ATP2B2: variants seen among roughly 807,000 people sequenced by gnomAD.
The protein encoded by ATP2B2 is ATPase plasma membrane Ca2+ transporting 2.
Under a neutral mutation model 120.0 loss-of-function variants are expected in ATP2B2, and 15 were observed. That is an observed-to-expected ratio of 0.12 (90% CI 0.08 to 0.19). The LOEUF (loss-of-function observed/expected upper bound fraction) is 0.19, where lower values mean the gene tolerates loss of function less well. Ranked by LOEUF, ATP2B2 falls within the 10% of genes least tolerant of loss-of-function variation. The pLI, the probability that ATP2B2 is intolerant of heterozygous loss-of-function variation, is 1.00. For synonymous variants in ATP2B2, 694 were observed against 700.3 expected, an observed-to-expected ratio of 0.99 and a Z score of 0.14; for missense variants, 1,045 against 1,719.8, an observed-to-expected ratio of 0.61 and a Z score of 6.94.
chr3:10,616,129 C>T (rs958946089), intron 2 of ATP2B2, among the ~76,000 whole-genome samples: 7 of 152,238 alleles, frequency 4.6e-5, no homozygotes, highest in African/African-American at 1.7e-4. Flanking sequence ...TTGCCAGGAA[C>T]AAGCTGTCCC....
At chr3:10,446,058 A>G (rs1014285175) in intron 2 of ATP2B2, among the ~76,000 whole-genome samples, 1 of 152,202 alleles carries the variant, frequency 6.6e-6, no homozygotes, top group East Asian at 1.9e-4. Context: ...CATGGGGCTG[A>G]GTTCAAAGCC....
rs1308773961 is a variant in ATP2B2 at position 10,643,491 on chromosome 3, G to T, written c.-459-23530C>A. Reference sequence around the variant, plus strand: ...TTGGGGAGAAAATAATAATGATGCAGTGGAGAAATTAAATGACACCTTGTC... The same window carrying T: ...TTGGGGAGAAAATAATAATGATGCATTGGAGAAATTAAATGACACCTTGTC... On this transcript the variant is annotated intron_variant, in intron 1 of 21. Transcript: ENST00000646379. Among the ~76,000 whole-genome samples the T allele has an allele frequency of 2.0e-5, 3 of 152,230 alleles. No individual in the cohort carries two copies. In the East Asian group the frequency reaches 5.8e-4, roughly 29 times the overall value.
At chr3:10,507,772 A>G (rs1575437477), upstream of ATP2B2, among the ~76,000 whole-genome samples, 1 of 152,006 alleles carries the variant, frequency 6.6e-6, no homozygotes, top group African/African-American at 2.4e-5. Flanking sequence ...CCTCCCAACT[A>G]CCTCTGGGGT....
chr3:10,510,979 C>G (rs1225877988), intron 3 of ATP2B2, among the ~76,000 whole-genome samples: 3 of 152,286 alleles, frequency 2.0e-5, no homozygotes, highest in African/African-American at 7.2e-5. Flanking sequence ...CCAAACCCTT[C>G]TTTGGCTCCT....
At chr3:10,516,119 A>G (rs565233216) in intron 3 of ATP2B2, among the ~76,000 whole-genome samples, 1 of 152,326 alleles carries the variant, frequency 6.6e-6, no homozygotes, top group South Asian at 2.1e-4. Context: ...GTTGTGAAAC[A>G]CTTACCAGCA....
At chr3:10,594,679 C>A (rs1214010189) in intron 2 of ATP2B2, among the ~76,000 whole-genome samples, 1 of 150,296 alleles carries the variant, frequency 6.7e-6, no homozygotes, top group East Asian at 2.0e-4. Context: ...AACAAACCTG[C>A]ACGTTGTGCA....
chr3:10,445,590 G>T (rs570360356), intron 2 of ATP2B2, among the ~76,000 whole-genome samples: 19 of 152,334 alleles, frequency 1.2e-4, no homozygotes, highest in African/African-American at 4.3e-4. Context: ...TGGGCTGTGG[G>T]AGCCACACCC....
intron 3 of ATP2B2, among the ~76,000 whole-genome samples, chr3:10,518,298 T>C (rs1490361456): frequency 6.6e-6 from 1 of 152,222 alleles, no homozygotes; most frequent in Admixed American, 6.5e-5. Context: ...TCAAAGTAAG[T>C]GCACAGGTAT....
chr3:10,675,108 G>C (rs755129242), intron 1 of ATP2B2, among the ~76,000 whole-genome samples: 2 of 152,184 alleles, frequency 1.3e-5, no homozygotes, highest in Admixed American at 6.5e-5. Context: ...CTCTACATAG[G>C]CGATGTGGGA....
intron 18 of ATP2B2, 131 bp downstream of exon 18, chr3:10,345,253 G>A (rs1256171249): frequency 2.0e-6 from 2 of 1,025,012 alleles, no homozygotes; most frequent in Non-Finnish European, 2.9e-6. Context: ...CCCCCAGCAG[G>A]TGCTCCATCG....
intron 1 of ATP2B2, among the ~76,000 whole-genome samples, chr3:10,699,779 T>C (rs1246772566): frequency 1.3e-5 from 2 of 152,126 alleles, no homozygotes; most frequent in Non-Finnish European, 2.9e-5. Context: ...GGGTTCATTA[T>C]GGTGAGATTG....
chr3:10,400,551 C>T (rs1035889854), intron 5 of ATP2B2, among the ~76,000 whole-genome samples: 1 of 141,894 alleles, frequency 7.0e-6, no homozygotes, highest in African/African-American at 2.5e-5. Context: ...CCCTGCCTCA[C>T]TCACTGCTGC....
chr3:10,580,955 G>T (rs1313429359), intron 2 of ATP2B2, among the ~76,000 whole-genome samples: 1 of 152,196 alleles, frequency 6.6e-6, no homozygotes, highest in East Asian at 1.9e-4. Context: ...ATGTAATCTG[G>T]CCTCTTACAG....
chr3:10,659,220 A>G (rs2070717332), intron 1 of ATP2B2, among the ~76,000 whole-genome samples: 1 of 152,220 alleles, frequency 6.6e-6, no homozygotes, highest in Non-Finnish European at 1.5e-5. Context: ...CATCATAATG[A>G]CAGGATCAAA....
Position 10,328,519 on chromosome 3 carries a change from T to C in ATP2B2, c.*295A>G. The C allele has an allele frequency of 2.3e-6, 1 of 426,196 alleles. No individual in the cohort carries two copies. The highest frequency in any genetic ancestry group is 3.0e-5 in the South Asian group (1 of 33,244). The allele number at this position is 426,196 out of a possible 1,614,324, so 26.4% of individuals were successfully genotyped here. A position where few individuals can be genotyped will look rare whatever the true frequency, so the allele number is the denominator to read the frequency against. ...GGGACGTGGTGGCTGGGCGGGTGCA[T>C]GGCTGGTCCATGTCTGGGTGGGAGC... On this transcript the variant is annotated 3_prime_UTR_variant, in exon 23 of 23. Transcript: ENST00000360273.
chr3:10,602,619 G>A (rs1024101061), intron 2 of ATP2B2, among the ~76,000 whole-genome samples: 2 of 152,186 alleles, frequency 1.3e-5, no homozygotes, highest in African/African-American at 2.4e-5. Context: ...TCCTGTTGAT[G>A]ACAAGCGATA....
intron 2 of ATP2B2, among the ~76,000 whole-genome samples, chr3:10,442,831 T>C (rs1017753344): frequency 2.0e-5 from 3 of 152,272 alleles, no homozygotes; most frequent in Non-Finnish European, 4.4e-5. Context: ...ACACCTACCA[T>C]GTGCCAGGCA....
rs1426656203 is a variant in ATP2B2 at position 10,367,268 on chromosome 3, C to T, written c.1659+4541G>A. Among the ~76,000 whole-genome samples, 3 of 151,988 alleles carry T rather than the reference C, an allele frequency of 2.0e-5. No homozygotes were observed. The East Asian group carries it at 5.8e-4, about 30-fold the overall frequency. On this transcript the variant is annotated intron_variant, in intron 12 of 22. Coordinates refer to ENST00000360273, the MANE Select transcript of ATP2B2 (RefSeq NM_001001331.4). ...AGGGTTGTGCCCCCTGCCTGGAATACTCTTGCCCCCTGCCTGCTTGGTGAA... is the reference window on the plus strand; with the variant it reads ...AGGGTTGTGCCCCCTGCCTGGAATATTCTTGCCCCCTGCCTGCTTGGTGAA...
intron 1 of ATP2B2, among the ~76,000 whole-genome samples, chr3:10,683,781 T>TAC (rs2071447975): frequency 8.6e-6 from 1 of 116,038 alleles, no homozygotes; most frequent in Non-Finnish European, 1.8e-5. Flanking sequence ...TATATATATA[T>TAC]ATATATATAT....
Sources: gnomAD v4.1 joint callset for allele counts (sites outside exome capture counted in the v4.1 genomes callset) on GRCh38, gnomAD v4.1.1 for gene constraint, MANE v1.5 for transcripts, NCBI Gene and HGNC (gene_info 2026-07-23, HGNC 2026-07-21) for gene names.